Variants in GPC6 observed in about 807,000 individuals in gnomAD.
GPC6 encodes glypican 6.
A neutral mutation model predicts 55.2 loss-of-function variants in GPC6; 14 were observed. The ratio of observed to expected loss-of-function variants is 0.25; its 90% CI spans 0.17 to 0.40. The LOEUF (loss-of-function observed/expected upper bound fraction) is 0.40, where lower values mean the gene tolerates loss of function less well. GPC6 is among the 10% of genes least tolerant of loss of function. The pLI is 1.00. For synonymous variants in GPC6, 278 were observed against 259.6 expected (o/e 1.07, Z -0.68); for missense variants, 641 against 708.5 (o/e 0.90, Z 1.08).
intron 1 of GPC6, among the ~76,000 whole-genome samples, chr13:93,516,571 A>G (rs1051496998): frequency 7.2e-5 from 11 of 152,198 alleles, no homozygotes; most frequent in Non-Finnish European, 1.5e-4. Context: ...AGCAAAAATC[A>G]ATGTAAGTTA....
intron 3 of GPC6, among the ~76,000 whole-genome samples, chr13:93,902,894 TG>T: frequency 6.6e-6 from 1 of 152,312 alleles, no homozygotes; most frequent in South Asian, 2.1e-4. Context: ...GGAGGTTTTT[TG>T]CTATTGAGTT....
At chr13:93,965,734 C>T (rs1880011918) in intron 3 of GPC6, among the ~76,000 whole-genome samples, 2 of 152,144 alleles carry the variant, frequency 1.3e-5, no homozygotes, top group South Asian at 2.1e-4. Flanking sequence ...GAACATTGAG[C>T]CCTTGTCAAG....
intron 3 of GPC6, among the ~76,000 whole-genome samples, chr13:93,997,819 A>T (rs1487461009): frequency 6.6e-6 from 1 of 152,222 alleles, no homozygotes; most frequent in Non-Finnish European, 1.5e-5. Context: ...CTAAATGAGG[A>T]GACTGCAAGG....
intron 1 of GPC6, among the ~76,000 whole-genome samples, chr13:93,232,428 C>T (rs1005555107): frequency 2.0e-5 from 3 of 152,030 alleles, no homozygotes; most frequent in African/African-American, 7.2e-5. Flanking sequence ...AAAAGTTGGG[C>T]TATTAGAAGC....
At chr13:94,181,713 A>G (rs926446393) in intron 4 of GPC6, among the ~76,000 whole-genome samples, 2 of 152,222 alleles carry the variant, frequency 1.3e-5, no homozygotes, top group Non-Finnish European at 2.9e-5. Flanking sequence ...AGAGTCATTA[A>G]TAAATGTGTT....
At chr13:94,124,631 C>T (rs993480024) in intron 4 of GPC6, among the ~76,000 whole-genome samples, 45 of 152,014 alleles carry the variant, frequency 3.0e-4, no homozygotes, top group Admixed American at 2.4e-3. Flanking sequence ...AGAAGGCTGG[C>T]GAGGCAGAAA....
chr13:94,330,162 C>T (rs1877335594), intron 6 of GPC6, among the ~76,000 whole-genome samples: 1 of 152,218 alleles, frequency 6.6e-6, no homozygotes, highest in African/African-American at 2.4e-5. Context: ...TCTTCTCTCT[C>T]TCACATTAGC....
At chr13:93,618,167 T>C (rs1420446033) in intron 2 of GPC6, among the ~76,000 whole-genome samples, 2 of 152,160 alleles carry the variant, frequency 1.3e-5, no homozygotes, top group East Asian at 3.8e-4. Flanking sequence ...CCAAATTTTC[T>C]TCACCAATAT....
At chr13:93,646,643 T>C (rs1335854907) in intron 2 of GPC6, among the ~76,000 whole-genome samples, 1 of 152,138 alleles carries the variant, frequency 6.6e-6, no homozygotes, top group African/African-American at 2.4e-5. Context: ...CTTAAGTTCT[T>C]TTCTGTTTTC....
intron 2 of GPC6, among the ~76,000 whole-genome samples, chr13:93,737,866 C>A (rs911493056): frequency 6.6e-6 from 1 of 151,926 alleles, no homozygotes; most frequent in Admixed American, 6.6e-5. Flanking sequence ...TTTCTAAGAT[C>A]AGCTTTTCCT....
At chr13:93,944,731 C>T (rs72644459) in intron 3 of GPC6, among the ~76,000 whole-genome samples, 1,997 of 152,240 alleles carry the variant, frequency 0.013, 44 homozygotes, top group Non-Finnish European at 0.015. Context: ...TATTTGTTTA[C>T]TCCTGGTTAT....
intron 4 of GPC6, among the ~76,000 whole-genome samples, chr13:94,076,450 C>G (rs1422340409): frequency 6.6e-6 from 1 of 151,896 alleles, no homozygotes; most frequent in East Asian, 1.9e-4. Context: ...TCACTCTGCT[C>G]ACTGTTTTCT....
intron 2 of GPC6, among the ~76,000 whole-genome samples, chr13:93,806,881 C>T (rs1344210008): frequency 2.6e-5 from 4 of 152,052 alleles, no homozygotes; most frequent in Non-Finnish European, 5.9e-5. Context: ...TCTGTATTCT[C>T]AGTATAAAAT....
At chr13:94,170,793 T>A (rs1185321318) in intron 4 of GPC6, among the ~76,000 whole-genome samples, 1 of 152,190 alleles carries the variant, frequency 6.6e-6, no homozygotes, top group African/African-American at 2.4e-5. Context: ...AACAACTCTC[T>A]TGTGAGGGCA....
At chr13:94,046,821 ATCTTGTCTCATT>A (rs1323155676) in intron 4 of GPC6, among the ~76,000 whole-genome samples, 1 of 152,144 alleles carries the variant, frequency 6.6e-6, no homozygotes, top group Non-Finnish European at 1.5e-5. Flanking sequence ...AGATTTCTGA[ATCTTGTCTCATT>A]AGTTAAAAGG....
chr13:94,121,458 T>G (rs1886626676), intron 4 of GPC6, among the ~76,000 whole-genome samples: 2 of 152,158 alleles, frequency 1.3e-5, no homozygotes, highest in Admixed American at 1.3e-4. Context: ...AACACAAAAG[T>G]CATTCAATAA....
chr13:93,309,318 A>C (rs1387398631), intron 1 of GPC6, among the ~76,000 whole-genome samples: 1 of 152,152 alleles, frequency 6.6e-6, no homozygotes, highest in Non-Finnish European at 1.5e-5. Context: ...CATTTATTTC[A>C]CTATAATATT....
chr13:94,063,538 G>A (rs1884410888), intron 4 of GPC6, among the ~76,000 whole-genome samples: 1 of 152,060 alleles, frequency 6.6e-6, no homozygotes, highest in Non-Finnish European at 1.5e-5. Flanking sequence ...TCTGTGCTTG[G>A]TTTTGTTTGT....
At chr13:94,201,457 A>G (rs1203312158) in intron 4 of GPC6, among the ~76,000 whole-genome samples, 1 of 152,162 alleles carries the variant, frequency 6.6e-6, no homozygotes, top group Non-Finnish European at 1.5e-5. Flanking sequence ...TATACAGAAA[A>G]CAAAACACAC....
Sources: allele counts gnomAD v4.1 joint callset (sites outside exome capture counted in the v4.1 genomes callset), GRCh38; gene constraint gnomAD v4.1.1; transcripts MANE v1.5; gene names NCBI Gene and HGNC (gene_info 2026-07-23, HGNC 2026-07-21).